TECTB: variants seen among roughly 807,000 people sequenced by gnomAD.
The protein encoded by TECTB is beta-tectorin.
Under a neutral mutation model 43.3 loss-of-function variants are expected in TECTB, and 45 were observed. That is an observed-to-expected ratio of 1.04 (90% CI 0.82 to 1.33). The LOEUF (loss-of-function observed/expected upper bound fraction) is 1.33. Among genes scored for constraint, TECTB ranks in the 40% most tolerant of loss-of-function variants. The probability of loss-of-function intolerance (pLI) is 0.00; values close to 1 mark genes in which losing one functional copy is unlikely to be tolerated. For missense variants in TECTB, 399 were observed against 404.7 expected (o/e 0.99, Z 0.12); for synonymous variants, 169 against 156.7 (o/e 1.08, Z -0.59).
In TECTB at chr10:112,284,531, C is replaced by G; in HGVS notation, c.77-4C>G. The stretch of plus-strand genomic sequence containing the variant: ...ATTTTAAACTATATGTGTGCTCTTT[C>G]CAGATGTCATTCTTGTGTTTTGCTA... On this transcript the variant is annotated splice_polypyrimidine_tract_variant and splice_region_variant and intron_variant, in intron 2 of 10. Coordinates refer to ENST00000646139, the MANE Select transcript of TECTB (RefSeq NM_058222.3). 6.2e-7 allele frequency: 1 copy of G among 1,602,844 alleles called. No individual in the cohort carries two copies. The highest frequency in any genetic ancestry group is 8.5e-7 in the Non-Finnish European group (1 of 1,173,724).
chr10:112,293,500 C>T (rs767718304), intron 5 of TECTB, among the ~76,000 whole-genome samples: 25 of 152,308 alleles, frequency 1.6e-4, no homozygotes, highest in South Asian at 1.0e-3. Flanking sequence ...CAGTGTGTGT[C>T]TCACTATAAT....
At position 112,283,486 on chromosome 10, in the gene TECTB, C is replaced by T. The variant is rs1386224612; in HGVS notation, c.-98C>T. 10 of 499,208 alleles carry T rather than the reference C, an allele frequency of 2.0e-5. No individual in the cohort carries two copies. Among genetic ancestry groups the T allele is most frequent in the East Asian group, 3.4e-5 (1 of 29,760 alleles). 30.9% of individuals were successfully genotyped at this position (499,208 alleles called of 1,614,324 possible). On this transcript the variant is annotated 5_prime_UTR_variant, in exon 1 of 11. The change creates a new upstream start codon in the 5' untranslated region. Coordinates refer to ENST00000646139, the MANE Select transcript of TECTB (RefSeq NM_058222.3). ...CATGAACAACTCCATGTGTCATTGA[C>T]GCTTCCAACGGTATGAGCCCCACTT...
intron 7 of TECTB, among the ~76,000 whole-genome samples, chr10:112,297,726 T>C (rs1424280252): frequency 1.3e-5 from 2 of 152,158 alleles, no homozygotes; most frequent in African/African-American, 4.8e-5. Flanking sequence ...CCTTACTTTG[T>C]ATGTCCCTCA....
chr10:112,299,430 C>A (rs1048744670), intron 8 of TECTB, 62 bp from the exon 9 acceptor site: 3 of 1,511,326 alleles, frequency 2.0e-6, no homozygotes, highest in Middle Eastern at 1.7e-4. Context: ...CTTTTCTCCC[C>A]TTTGCTCACG....
At chr10:112,287,881 A>G (rs915811979) in intron 5 of TECTB, among the ~76,000 whole-genome samples, 5 of 152,216 alleles carry the variant, frequency 3.3e-5, no homozygotes, top group African/African-American at 4.8e-5. Context: ...GGCTCTCCAC[A>G]TTGTAAAAGT....
chr10:112,299,742 C>T (rs543920658), intron 9 of TECTB, 178 bp downstream of exon 9: 21 of 614,242 alleles, frequency 3.4e-5, no homozygotes, highest in African/African-American at 1.5e-4. Flanking sequence ...TCAAGCCAAA[C>T]GAAGGAGTTG....
intron 5 of TECTB, among the ~76,000 whole-genome samples, chr10:112,291,209 T>C (rs1848496420): frequency 6.6e-6 from 1 of 151,250 alleles, no homozygotes. Context: ...TGTGTCCATA[T>C]GTTCTCATTG....
chr10:112,292,709 G>A (rs552593153), intron 5 of TECTB, among the ~76,000 whole-genome samples: 4 of 152,254 alleles, frequency 2.6e-5, no homozygotes, highest in East Asian at 1.9e-4. Context: ...CTCCCAAAGC[G>A]CTGAGACTAC....
intron 5 of TECTB, among the ~76,000 whole-genome samples, chr10:112,290,793 C>T (rs998203392): frequency 6.6e-6 from 1 of 152,192 alleles, no homozygotes; most frequent in Non-Finnish European, 1.5e-5. Flanking sequence ...CCAATTATTG[C>T]AGTCATTTAA....
Position 112,302,141 on chromosome 10 carries a change from A to G in TECTB, c.940+8A>G. The stretch of plus-strand genomic sequence containing the variant: ...GTCTCTATAGCTTCTCAGGTAAGGA[A>G]AAGAGACACTTCTGGGATTTCGTGG... On this transcript the variant is annotated splice_region_variant and intron_variant, in intron 10 of 10. Coordinates refer to ENST00000646139, the MANE Select transcript of TECTB (RefSeq NM_058222.3). 6.2e-7 allele frequency: 1 copy of G among 1,613,976 alleles called. No homozygotes were observed. The highest frequency in any genetic ancestry group is 8.5e-7 in the Non-Finnish European group (1 of 1,179,886).
intron 7 of TECTB, among the ~76,000 whole-genome samples, chr10:112,294,661 G>A (rs1697811751): frequency 6.6e-6 from 1 of 152,148 alleles, no homozygotes; most frequent in Non-Finnish European, 1.5e-5. Context: ...GGCAATGCTG[G>A]AAGTCATACA....
rs762036914 is a variant in TECTB, at chr10:112,298,248, C to A, written c.834+17C>A. 3.7e-6 allele frequency: 6 copies of A among 1,607,500 alleles called. No individual in the cohort carries two copies. The East Asian group carries it at 9.0e-5, about 24-fold the overall frequency. On this transcript the variant is annotated intron_variant, in intron 8 of 10. Transcript: ENST00000646139. ...TGCCCAGTGGTGAGCTGCCTCTCTC[C>A]AGAAGGACAATGTTACCTAAAGGGT... is the stretch of plus-strand genomic sequence containing the variant.
rs1276513979 is a variant in TECTB, at chr10:112,296,968, C to CCT, written c.672-1100_672-1099insTC. Among the ~76,000 whole-genome samples, 178 of 152,306 alleles carry CCT rather than the reference C, an allele frequency of 1.2e-3. 4 individuals carry two copies. The South Asian group carries it at 0.036, about 31-fold the overall frequency. On this transcript the variant is annotated intron_variant, in intron 7 of 10. Coordinates refer to ENST00000646139, the MANE Select transcript of TECTB (RefSeq NM_058222.3). ...CTGCAGAGCGACAGACCCTGCTACC[C>CCT]CGTGCTACCTGCAGATAACAAACCC...
intron 10 of TECTB, 117 bp downstream of exon 10, chr10:112,302,250 C>T (rs1253813300): frequency 1.6e-6 from 2 of 1,274,708 alleles, no homozygotes; most frequent in Non-Finnish European, 2.2e-6. Flanking sequence ...GAAAATTATA[C>T]TTTAAAGCAC....
chr10:112,299,876 C>T (rs984463901), intron 9 of TECTB, among the ~76,000 whole-genome samples: 7 of 151,838 alleles, frequency 4.6e-5, no homozygotes, highest in Non-Finnish European at 8.8e-5. Flanking sequence ...AATGAGATGT[C>T]ATGGGGCCGG....
At chr10:112,296,225 A>T (rs1207341471) in intron 7 of TECTB, among the ~76,000 whole-genome samples, 2 of 152,154 alleles carry the variant, frequency 1.3e-5, no homozygotes, top group Admixed American at 6.5e-5. Context: ...TATCATAAGG[A>T]ATTTCCCTGT....
chr10:112,296,423 T>C (rs1163469135), intron 7 of TECTB, among the ~76,000 whole-genome samples: 2 of 152,172 alleles, frequency 1.3e-5, no homozygotes, highest in Admixed American at 1.3e-4. Context: ...GATCTGCCTA[T>C]TTTTTGCCTC....
At chr10:112,293,601 G>A (rs1459774558) in intron 5 of TECTB, 137 bp from the exon 6 acceptor site, 1 of 696,258 alleles carries the variant, frequency 1.4e-6, no homozygotes, top group Non-Finnish European at 2.5e-6. Context: ...TGGTCTTGGA[G>A]GATCACTCTA....
chr10:112,299,459 G>T, intron 8 of TECTB, 33 bp from the exon 9 acceptor site: 1 of 1,610,956 alleles, frequency 6.2e-7, no homozygotes, highest in Non-Finnish European at 8.5e-7. Context: ...CACCTTCCCC[G>T]CTTCTCTCCT....
Sources: allele counts gnomAD v4.1 joint callset (sites outside exome capture counted in the v4.1 genomes callset), GRCh38; gene constraint gnomAD v4.1.1; transcripts MANE v1.5; gene names NCBI Gene and HGNC (gene_info 2026-07-23, HGNC 2026-07-21).